PMEPA1: variants seen among roughly 807,000 people sequenced by gnomAD.
The protein encoded by PMEPA1 is protein TMEPAI.
A neutral mutation model predicts 23.0 loss-of-function variants in PMEPA1; 11 were observed. The observed-to-expected ratio is 0.48, with a 90% confidence interval of 0.30 to 0.79. The LOEUF (loss-of-function observed/expected upper bound fraction) is 0.79. Among genes scored for constraint, PMEPA1 ranks in the 30% least tolerant of loss-of-function variants. The pLI is 0.06. For missense variants in PMEPA1, 377 were observed against 390.9 expected, an observed-to-expected ratio of 0.96 and a Z score of 0.30; for synonymous variants, 204 against 166.4, an observed-to-expected ratio of 1.23 and a Z score of -1.74.
At chr20:57,669,237 A>T (rs1157571622) in intron 1 of PMEPA1, among the ~76,000 whole-genome samples, 1 of 151,854 alleles carries the variant, frequency 6.6e-6, no homozygotes, top group Non-Finnish European at 1.5e-5. Context: ...ATCTTGACTC[A>T]CTGCAACCTC....
chr20:57,652,076 T>C lies in PMEPA1; in HGVS notation c.841A>G (p.Lys281Glu). ...CCCTAGAGAGGGTGTCCTTTCTGTT[T>C]ATCCTTCTCTTTGCTCCAGATGGCT... ...SAAIWSKEKD[K>E]QKGHPL Residue 281 changes from lysine to glutamate, a missense_variant, in exon 4 of 4, where the codon AAA (lysine) becomes GAA (glutamate). By Grantham distance (56) the Lys-to-Glu change is moderately conservative (BLOSUM62 1). This residue lies in a region of PMEPA1 where 176 missense variants were observed against 173.0 expected (regional missense o/e 1.02). Transcript: ENST00000341744. This position sits in a 1 kb window ranked among gnomAD's most constrained non-coding sequence, Gnocchi z 6.1. 6.6e-7 allele frequency: 1 copy of C among 1,523,534 alleles called. No homozygotes were observed. 94.4% of individuals were successfully genotyped at this position (1,523,534 alleles called of 1,614,324 possible).
intron 1 of PMEPA1, among the ~76,000 whole-genome samples, chr20:57,661,355 G>A (rs1206183623): frequency 5.3e-5 from 8 of 152,194 alleles, no homozygotes; most frequent in African/African-American, 1.2e-4. Context: ...GAGTTGACAC[G>A]GCAGAGTGGG....
In PMEPA1 at chr20:57,663,597, G is replaced by A. The variant is rs547504958; in HGVS notation, c.110-3900C>T. Among the ~76,000 whole-genome samples the A allele has an allele frequency of 3.9e-5, 6 of 152,348 alleles. No homozygotes were observed. The East Asian group carries it at 1.2e-3, about 29-fold the overall frequency. Reference sequence around the variant, plus strand: ...AAGAGACATGACCTGCTCTGGAATCGCAGAGGGAGCATCTAATGGAAGACC... The same window carrying A: ...AAGAGACATGACCTGCTCTGGAATCACAGAGGGAGCATCTAATGGAAGACC... On this transcript the variant is annotated intron_variant, in intron 1 of 3. Coordinates refer to ENST00000341744, the MANE Select transcript of PMEPA1 (RefSeq NM_020182.5).
intron 1 of PMEPA1, among the ~76,000 whole-genome samples, chr20:57,672,926 T>A (rs1311456826): frequency 1.3e-5 from 2 of 152,184 alleles, no homozygotes; most frequent in Non-Finnish European, 2.9e-5. Context: ...AAAAGCGGAA[T>A]ACCACTAGCA....
Position 57,652,691 on chromosome 20 carries a change from T to C in PMEPA1, c.319-93A>G. The C allele has an allele frequency of 8.7e-7, 1 of 1,143,152 alleles. No individual in the cohort carries two copies. Among genetic ancestry groups the C allele is most frequent in the East Asian group, 2.6e-5 (1 of 38,540 alleles). The allele number at this position is 1,143,152 out of a possible 1,614,324, so 70.8% of individuals were successfully genotyped here. A position where few individuals can be genotyped will look rare whatever the true frequency, so the allele number is the denominator to read the frequency against. On this transcript the variant is annotated intron_variant, in intron 3 of 3. Coordinates refer to ENST00000341744, the MANE Select transcript of PMEPA1 (RefSeq NM_020182.5). The surrounding 1 kb of genome is among the most constrained non-coding windows in gnomAD (Gnocchi z 6.1). ...AGACTGGAGTTCTGCTGCATGGGACTTGGCTCTCTGGGGAAAGGGAGAGGG... is the reference window on the plus strand; with the variant it reads ...AGACTGGAGTTCTGCTGCATGGGACCTGGCTCTCTGGGGAAAGGGAGAGGG...
chr20:57,702,523 G>C (rs2072025711), intron 1 of PMEPA1, among the ~76,000 whole-genome samples: 1 of 152,178 alleles, frequency 6.6e-6, no homozygotes, highest in Non-Finnish European at 1.5e-5. Context: ...CTAACAAATG[G>C]TCCAATATGG....
intron 1 of PMEPA1, chr20:57,690,508 C>G (rs913285792): frequency 4.2e-5 from 55 of 1,299,830 alleles, no homozygotes; most frequent in Non-Finnish European, 5.5e-5. Context: ...AAGAGCCATG[C>G]TATTTTTATT....
intron 1 of PMEPA1, among the ~76,000 whole-genome samples, chr20:57,689,100 G>A (rs2071841008): frequency 6.6e-6 from 1 of 152,212 alleles, no homozygotes; most frequent in Non-Finnish European, 1.5e-5. Context: ...AGCTTGATTG[G>A]GTTTCAAAAC....
Position 57,652,570 on chromosome 20 carries a change from G to T in PMEPA1, c.347C>A (p.Thr116Asn), listed in dbSNP as rs553598730. ...EPQVYAPPRPTDRLAVPPFAQ... is the reference protein window; with the variant it reads ...EPQVYAPPRPNDRLAVPPFAQ... ...GAAGGGCGGCACGGCCAGGCGGTCG[G>T]TGGGCCGAGGCGGGGCGTAGACCTG... Residue 116 changes from threonine (T) to asparagine (N), a missense_variant, in exon 4 of 4, where the codon ACC becomes AAC. Thr to Asn is a moderately conservative substitution (Grantham distance 65). Around this residue, in one of 3 missense-constraint regions of PMEPA1, gnomAD observed 198 missense variants for 196.3 expected, o/e 1.01. Transcript: ENST00000341744. This position sits in a 1 kb window ranked among gnomAD's most constrained non-coding sequence, Gnocchi z 6.1. 2 of 1,514,008 alleles carry T rather than the reference G, an allele frequency of 1.3e-6. No homozygotes were observed. Among genetic ancestry groups the T allele is most frequent in the African/African-American group, 1.4e-5 (1 of 72,592 alleles). The allele number at this position is 1,514,008 out of a possible 1,614,324, so 93.8% of individuals were successfully genotyped here.
intron 1 of PMEPA1, among the ~76,000 whole-genome samples, chr20:57,677,132 C>T (rs1027802608): frequency 3.3e-5 from 5 of 152,208 alleles, no homozygotes; most frequent in Non-Finnish European, 5.9e-5. Context: ...TGTGCTCTCA[C>T]CTCTTCTCTT....
At chr20:57,687,386 C>T (rs1010889727) in intron 1 of PMEPA1, among the ~76,000 whole-genome samples, 13 of 152,214 alleles carry the variant, frequency 8.5e-5, no homozygotes, top group Admixed American at 8.5e-4. Context: ...GGGGACATGA[C>T]TTGCCCAGAG....
rs113254833 is a variant in PMEPA1, at chr20:57,664,818, G to A, written c.110-5121C>T. ...TAAGAGTTTTAAAAGGGCCAAGCAG[G>A]CCACACCCAAGGCATCTGCAGGGCA... is the stretch of plus-strand genomic sequence containing the variant. On this transcript the variant is annotated intron_variant, in intron 1 of 3. Transcript: ENST00000341744. Among the ~76,000 whole-genome samples, 1,049 of 152,338 alleles carry A rather than the reference G, an allele frequency of 6.9e-3. 12 individuals carry two copies. The highest frequency in any genetic ancestry group is 0.024 in the African/African-American group (1,009 of 41,564).
At chr20:57,703,936 C>A (rs910485792) in intron 1 of PMEPA1, among the ~76,000 whole-genome samples, 2 of 152,154 alleles carry the variant, frequency 1.3e-5, no homozygotes, top group African/African-American at 2.4e-5. Context: ...ACTTTACAGA[C>A]CCATCAGATG....
rs898483420 is a variant in PMEPA1, at chr20:57,685,941, C to T, written c.109+23533G>A. ...TTTTAGCCCTTCTCATACAAAGGGT[C>T]ACTATAAAATGAGTCACCCTCCCTT... On this transcript the variant is annotated intron_variant, in intron 1 of 3. Coordinates refer to ENST00000341744, the MANE Select transcript of PMEPA1 (RefSeq NM_020182.5). 7.2e-5 allele frequency among the ~76,000 whole-genome samples: 11 copies of T among 152,116 alleles called. No homozygotes were observed. In the East Asian group the frequency reaches 1.6e-3, roughly 22 times the overall value.
chr20:57,672,217 A>C (rs2071578458), intron 1 of PMEPA1, among the ~76,000 whole-genome samples: 1 of 152,278 alleles, frequency 6.6e-6, no homozygotes. Context: ...GTGTGCCTGC[A>C]TGCACTCACA....
At chr20:57,685,669 C>T (rs1013683948) in intron 1 of PMEPA1, among the ~76,000 whole-genome samples, 12 of 151,988 alleles carry the variant, frequency 7.9e-5, no homozygotes, top group African/African-American at 2.7e-4. Flanking sequence ...CCCTCCAGGT[C>T]GCTCTTAAAA....
chr20:57,709,878 G>T lies in PMEPA1; in HGVS notation c.-296C>A, dbSNP rs1283176167. The T allele has an allele frequency of 3.0e-6, 3 of 1,001,346 alleles. No homozygotes were observed. Among genetic ancestry groups the T allele is most frequent in the East Asian group, 1.1e-4 (1 of 9,298 alleles). The allele number at this position is 1,001,346 out of a possible 1,614,324, so 62.0% of individuals were successfully genotyped here. A position where few individuals can be genotyped will look rare whatever the true frequency, so the allele number is the denominator to read the frequency against. On this transcript the variant is annotated 5_prime_UTR_variant, in exon 1 of 4. Coordinates refer to ENST00000341744, the MANE Select transcript of PMEPA1 (RefSeq NM_020182.5). ...CAGCGGGGCGCGCGCTGCCGCCGGG[G>T]CTGAGCCTCTGCCGCTAGCTTTCCC...
intron 1 of PMEPA1, chr20:57,690,385 G>A: frequency 1.6e-6 from 2 of 1,269,100 alleles, no homozygotes; most frequent in Non-Finnish European, 2.1e-6. Context: ...CCCCAGAGAA[G>A]AAACTTACCT....
At position 57,659,651 on chromosome 20, in the gene PMEPA1, C is replaced by A. The variant is rs766428300; in HGVS notation, c.156G>T (p.Met52Ile). The A allele has an allele frequency of 3.7e-6, 6 of 1,607,480 alleles. No homozygotes were observed. The highest frequency in any genetic ancestry group is 1.3e-5 in the African/African-American group (1 of 74,742). The change falls in exon 2 of 4, where the codon ATG becomes ATT. Residue 52 changes from methionine (M) to isoleucine (I), a missense_variant. Physicochemically the swap from Met to Ile is conservative, Grantham distance 10. Coordinates refer to ENST00000341744, the MANE Select transcript of PMEPA1 (RefSeq NM_020182.5). ...VQIIIIVVVMMVMVVVITCLL... is the reference protein window; with the variant it reads ...VQIIIIVVVMIVMVVVITCLL... ...GGCACGTGATCACCACCACCATCAC[C>A]ATCATCACCACCACGATGATGATGA...
Sources: gnomAD v4.1 joint callset for allele counts (sites outside exome capture counted in the v4.1 genomes callset) on GRCh38, gnomAD v4.1.1 for gene constraint, gnomAD v4.1.1 regional missense constraint, Gnocchi (gnomAD v3.1) non-coding constraint, MANE v1.5 for transcripts, NCBI Gene and HGNC (gene_info 2026-07-23, HGNC 2026-07-21) for gene names.